SLC49A4: variants seen among roughly 807,000 people sequenced by gnomAD.
SLC49A4 encodes disrupted in renal cancer protein 2.
A neutral mutation model predicts 50.6 loss-of-function variants in SLC49A4; 36 were observed. The observed-to-expected ratio is 0.71, with a 90% CI of 0.55 to 0.94. The LOEUF (loss-of-function observed/expected upper bound fraction) is 0.94. Among genes scored for constraint, SLC49A4 ranks in the 40% least tolerant of loss-of-function variants. SLC49A4 has a pLI of 0.00. For missense variants in SLC49A4, 503 were observed against 605.7 expected (o/e 0.83, Z 1.78); for synonymous variants, 248 against 241.2 (o/e 1.03, Z -0.26).
At chr3:122,860,235 A>C in intron 7 of SLC49A4, 33 bp downstream of exon 7, 1 of 1,547,566 alleles carries the variant, frequency 6.5e-7, no homozygotes, top group Non-Finnish European at 8.7e-7. Context: ...CTTTTAATAA[A>C]TATTTTCATT....
chr3:122,842,876 G>C (rs1421339844), intron 4 of SLC49A4, among the ~76,000 whole-genome samples: 2 of 152,050 alleles, frequency 1.3e-5, no homozygotes, highest in Non-Finnish European at 2.9e-5. Context: ...GCTCTCCAGG[G>C]GAGTTCTGTG....
chr3:122,844,673 T>C (rs1051129300), intron 4 of SLC49A4, among the ~76,000 whole-genome samples: 1 of 151,930 alleles, frequency 6.6e-6, no homozygotes, highest in South Asian at 2.1e-4. Context: ...TTCCAGCTCT[T>C]TGGGAGGCTG....
At chr3:122,825,416 GT>G (rs955020292) in intron 2 of SLC49A4, among the ~76,000 whole-genome samples, 18 of 151,934 alleles carry the variant, frequency 1.2e-4, no homozygotes, top group African/African-American at 3.9e-4. Context: ...AATGTCTTGA[GT>G]TTTTTTAATT....
chr3:122,851,865 C>G (rs1447311519), intron 5 of SLC49A4, among the ~76,000 whole-genome samples: 1 of 151,786 alleles, frequency 6.6e-6, no homozygotes, highest in Non-Finnish European at 1.5e-5. Context: ...TTTTTCCTTT[C>G]TATGCTTCAG....
intron 2 of SLC49A4, among the ~76,000 whole-genome samples, chr3:122,813,893 A>C (rs1461615267): frequency 1.3e-5 from 2 of 152,250 alleles, no homozygotes; most frequent in African/African-American, 4.8e-5. Flanking sequence ...GCATTAAAAC[A>C]TATTCCTGAT....
At chr3:122,860,259 A>G (rs1397595460) in intron 7 of SLC49A4, 57 bp downstream of exon 7, 1 of 1,443,562 alleles carries the variant, frequency 6.9e-7, no homozygotes, top group Non-Finnish European at 9.2e-7. Flanking sequence ...AGAAGTGTAC[A>G]TAACTCTGAC....
intron 8 of SLC49A4, among the ~76,000 whole-genome samples, chr3:122,874,793 T>G (rs1473653909): frequency 6.6e-6 from 1 of 152,180 alleles, no homozygotes. Context: ...CTCATTAAAT[T>G]TTGGCATTTT....
intron 4 of SLC49A4, among the ~76,000 whole-genome samples, chr3:122,835,849 A>G (rs974659586): frequency 5.9e-5 from 9 of 152,178 alleles, no homozygotes; most frequent in African/African-American, 2.2e-4. Flanking sequence ...ATATACCTAA[A>G]AAACCCTAAA....
intron 2 of SLC49A4, among the ~76,000 whole-genome samples, chr3:122,807,814 T>C (rs1936244171): frequency 6.6e-6 from 1 of 152,200 alleles, no homozygotes; most frequent in African/African-American, 2.4e-5. Flanking sequence ...GGTTATATTT[T>C]GATTCTGAAG....
chr3:122,870,799 G>A (rs1016217536), intron 7 of SLC49A4, among the ~76,000 whole-genome samples: 2 of 150,376 alleles, frequency 1.3e-5, no homozygotes, highest in South Asian at 4.2e-4. Context: ...GGGCAACAGA[G>A]CAAGACTCCA....
chr3:122,800,095 T>C (rs1036662894), intron 1 of SLC49A4, among the ~76,000 whole-genome samples: 6 of 152,060 alleles, frequency 3.9e-5, no homozygotes, highest in Non-Finnish European at 7.4e-5. Flanking sequence ...TTTAAAGTAA[T>C]GGGGCTGGTT....
intron 7 of SLC49A4, among the ~76,000 whole-genome samples, chr3:122,864,559 A>C (rs1278742971): frequency 1.3e-5 from 2 of 152,186 alleles, no homozygotes; most frequent in Non-Finnish European, 2.9e-5. Flanking sequence ...ATCTAATTTC[A>C]TCTAAACTTA....
chr3:122,817,667 A>G (rs1253812133), intron 2 of SLC49A4, among the ~76,000 whole-genome samples: 2 of 150,960 alleles, frequency 1.3e-5, no homozygotes, highest in Non-Finnish European at 2.9e-5. Context: ...TGCAACCTCA[A>G]TCTCCTGGGC....
chr3:122,835,917 A>G (rs1186139758), intron 4 of SLC49A4, among the ~76,000 whole-genome samples: 1 of 152,226 alleles, frequency 6.6e-6, no homozygotes, highest in Non-Finnish European at 1.5e-5. Flanking sequence ...CTCAGGTTAC[A>G]AAATCAGTGT....
intron 1 of SLC49A4, among the ~76,000 whole-genome samples, chr3:122,803,633 G>A (rs1266469813): frequency 3.9e-5 from 6 of 152,224 alleles, no homozygotes; most frequent in Admixed American, 1.3e-4. Context: ...TGATGGAAGT[G>A]TGGAGCCACG....
At chr3:122,807,381 G>A (rs1560194785) in intron 2 of SLC49A4, among the ~76,000 whole-genome samples, 1 of 152,098 alleles carries the variant, frequency 6.6e-6, no homozygotes, top group Non-Finnish European at 1.5e-5. Context: ...GGTAACTATA[G>A]TCAGGGGAAG....
intron 7 of SLC49A4, among the ~76,000 whole-genome samples, chr3:122,863,161 T>C (rs1387644601): frequency 1.3e-5 from 2 of 152,244 alleles, no homozygotes; most frequent in Non-Finnish European, 2.9e-5. Context: ...GATGTATTTT[T>C]ACCTTACAAG....
intron 6 of SLC49A4, among the ~76,000 whole-genome samples, chr3:122,857,603 CTG>C (rs1937005493): frequency 2.0e-5 from 3 of 152,220 alleles, no homozygotes; most frequent in South Asian, 2.1e-4. Flanking sequence ...TAAATTGACA[CTG>C]TAATTTCTAA....
intron 5 of SLC49A4, among the ~76,000 whole-genome samples, chr3:122,846,164 G>A (rs1009034913): frequency 3.9e-5 from 6 of 152,006 alleles, no homozygotes; most frequent in Non-Finnish European, 7.4e-5. Flanking sequence ...TCCTTGCTTC[G>A]TACCTTATAA....
Sources: allele counts gnomAD v4.1 joint callset (sites outside exome capture counted in the v4.1 genomes callset), GRCh38; gene constraint gnomAD v4.1.1; transcripts MANE v1.5; gene names NCBI Gene and HGNC (gene_info 2026-07-23, HGNC 2026-07-21).